CTSB: variants seen among roughly 807,000 people sequenced by gnomAD.
The protein encoded by CTSB is cathepsin B.
Under a neutral mutation model 44.3 loss-of-function variants are expected in CTSB, and 57 were observed. The observed-to-expected ratio is 1.29, with a 90% CI of 1.04 to 1.60. The LOEUF is 1.60. Among genes scored for constraint, CTSB ranks in the 40% most tolerant of loss-of-function variants. CTSB has a pLI of 0.00. For synonymous variants in CTSB, 320 were observed against 168.0 expected, an observed-to-expected ratio of 1.91 and a Z score of -7.00; for missense variants, 768 against 443.0, an observed-to-expected ratio of 1.73 and a Z score of -6.59.
At chr8:11,846,713 C>T (rs1050604587) in intron 8 of CTSB, among the ~76,000 whole-genome samples, 1 of 152,224 alleles carries the variant, frequency 6.6e-6, no homozygotes, top group Admixed American at 6.5e-5. Context: ...AATGCAAAGC[C>T]AGGAAGGCGA....
chr8:11,864,302 C>G (rs1204329382), intron 1 of CTSB: 1 of 143,010 alleles, frequency 7.0e-6, no homozygotes, highest in Non-Finnish European at 1.5e-5. Flanking sequence ...AACAGTGAGA[C>G]CCTGTCTCTA....
intron 1 of CTSB, 132 bp from the exon 2 acceptor site, chr8:11,853,611 A>C (rs1815000566): frequency 1.2e-6 from 1 of 866,756 alleles, no homozygotes; most frequent in Non-Finnish European, 1.7e-6. Flanking sequence ...ACTCTTAAGG[A>C]GCTGAGGTGT....
chr8:11,854,403 G>C (rs1347508104), intron 1 of CTSB, among the ~76,000 whole-genome samples: 4 of 151,894 alleles, frequency 2.6e-5, no homozygotes, highest in Non-Finnish European at 5.9e-5. Flanking sequence ...TCTATCTGAA[G>C]AACAATTTAA....
chr8:11,845,018 G>C lies in CTSB; in HGVS notation c.*107C>G, dbSNP rs1467680818. 9 of 757,962 alleles carry C rather than the reference G, an allele frequency of 1.2e-5. No homozygotes were observed. Among genetic ancestry groups the C allele is most frequent in the Non-Finnish European group, 2.0e-5 (9 of 445,742 alleles). 47.0% of individuals were successfully genotyped at this position (757,962 alleles called of 1,614,324 possible). ...ACAGGTCTGATGTTTGGCCAATCCA[G>C]TCCTTCAGACCCTGTCTGAAACTTG... On this transcript the variant is annotated 3_prime_UTR_variant, in exon 10 of 10. Coordinates refer to ENST00000353047, the MANE Select transcript of CTSB (RefSeq NM_001908.5).
intron 8 of CTSB, chr8:11,846,376 A>G (rs1482560567): frequency 2.0e-5 from 3 of 152,348 alleles, no homozygotes; most frequent in Non-Finnish European, 1.5e-5. Flanking sequence ...ATCTTCACAG[A>G]AACTTTTTCT....
rs1428996582 is a variant in CTSB at position 11,844,157 on chromosome 8, A to G, written c.*968T>C. The G allele has an allele frequency of 6.6e-6, 1 of 152,278 alleles. No homozygotes were observed. Among genetic ancestry groups the G allele is most frequent in the African/African-American group, 2.4e-5 (1 of 41,476 alleles). 9.4% of individuals were successfully genotyped at this position (152,278 alleles called of 1,614,324 possible). On this transcript the variant is annotated 3_prime_UTR_variant, in exon 10 of 10. Coordinates refer to ENST00000353047, the MANE Select transcript of CTSB (RefSeq NM_001908.5). ...GGGAACTAATTGGGGGAGGGATGCC[A>G]TGGTTGAAAACATGGCTGGGGCAGC...
chr8:11,846,814 G>T (rs1291576654), intron 8 of CTSB, among the ~76,000 whole-genome samples: 1 of 152,104 alleles, frequency 6.6e-6, no homozygotes, highest in African/African-American at 2.4e-5. Flanking sequence ...AACTAGCCCA[G>T]AGGCTCTGGG....
At position 11,849,093 on chromosome 8, in the gene CTSB, C is replaced by A. The variant is rs1392823641; in HGVS notation, c.399G>T (p.Val133=). 5.0e-6 allele frequency: 8 copies of A among 1,613,572 alleles called. No individual in the cohort carries two copies. The highest frequency in any genetic ancestry group is 6.8e-6 in the Non-Finnish European group (8 of 1,179,882). ...IHTNAHVSVE[V]SAEDLLTCCG... is the part of the protein sequence containing the mutation. ...AGCATGTGAGCAGGTCCTCCGCCGA[C>A]ACCTCCACGCTGACGTGCGCATTGG... The change falls in exon 5 of 10, where the codon GTG becomes GTT. Residue 133 remains valine (V), a synonymous_variant. Transcript: ENST00000353047.
rs747817678 is a variant in CTSB at position 11,845,785 on chromosome 8, C to T, written c.798G>A (p.Val266=). The change falls in exon 9 of 10, where the codon GTG becomes GTA. Residue 266 remains valine, a synonymous_variant. Coordinates refer to ENST00000353047, the MANE Select transcript of CTSB (RefSeq NM_001908.5). ...YSDFLLYKSG[V]YQHVTGEMMG... ...TCATCTCTCCGGTGACGTGTTGGTACACTCCTGAAAAGGGAAGAACTGGCT... is the reference window on the plus strand; with the variant it reads ...TCATCTCTCCGGTGACGTGTTGGTATACTCCTGAAAAGGGAAGAACTGGCT... 1.7e-5 allele frequency: 27 copies of T among 1,613,198 alleles called. No individual in the cohort carries two copies. The highest frequency in any genetic ancestry group is 1.9e-5 in the Non-Finnish European group (23 of 1,179,524).
intron 1 of CTSB, among the ~76,000 whole-genome samples, chr8:11,855,379 G>A (rs546332691): frequency 2.0e-5 from 3 of 152,350 alleles, no homozygotes; most frequent in Admixed American, 6.5e-5. Context: ...AAAACAGGCT[G>A]GGTGCGGTGG....
intron 1 of CTSB, among the ~76,000 whole-genome samples, chr8:11,860,012 C>T (rs1274170125): frequency 6.6e-6 from 1 of 151,714 alleles, no homozygotes; most frequent in African/African-American, 2.4e-5. Context: ...GCAGAGGTTG[C>T]AGTGAGCCAA....
At chr8:11,858,067 A>G (rs1318133448) in intron 1 of CTSB, 5 of 152,186 alleles carry the variant, frequency 3.3e-5, no homozygotes, top group Non-Finnish European at 5.9e-5. Context: ...TTCACCACCT[A>G]TAAAATGGAG....
At position 11,844,107 on chromosome 8, in the gene CTSB, A is replaced by C. The variant is rs1812773883; in HGVS notation, c.*1018T>G. ...GCAAGGGCAAGCTTACCAGGCACTT[A>C]CAGAGAAGGTTGACGAGGATGACAG... On this transcript the variant is annotated 3_prime_UTR_variant, in exon 10 of 10. Transcript: ENST00000353047. 2 of 152,274 alleles carry C rather than the reference A, an allele frequency of 1.3e-5. No homozygotes were observed. 9.4% of individuals were successfully genotyped at this position (152,274 alleles called of 1,614,324 possible). A position where few individuals can be genotyped will look rare whatever the true frequency, so the allele number is the denominator to read the frequency against.
intron 1 of CTSB, among the ~76,000 whole-genome samples, chr8:11,856,386 G>C (rs187238715): frequency 6.6e-6 from 1 of 152,102 alleles, no homozygotes; most frequent in Admixed American, 6.5e-5. Context: ...AGCCGAGGCG[G>C]TTGGATCACC....
rs1289139017 is a variant in CTSB at position 11,852,658 on chromosome 8, A to C, written c.164T>G (p.Leu55Trp). 6.2e-7 allele frequency: 1 copy of C among 1,614,096 alleles called. No homozygotes were observed. Among genetic ancestry groups the C allele is most frequent in the Admixed American group, 1.7e-5 (1 of 60,026 alleles). Residue 55 changes from leucine (L) to tryptophan (W), a missense_variant, in exon 3 of 10, where the codon TTG becomes TGG. Coordinates refer to ENST00000353047, the MANE Select transcript of CTSB (RefSeq NM_001908.5). ...HNFYNVDMSY[L>W]KRLCGTFLGG... ...CAGGAAGGTACCACATAGCCTCTTCAAGTAGCTCATGTCCACGTTGTAGAA... is the reference window on the plus strand; with the variant it reads ...CAGGAAGGTACCACATAGCCTCTTCCAGTAGCTCATGTCCACGTTGTAGAA...
At position 11,847,049 on chromosome 8, in the gene CTSB, C is replaced by G. The variant is rs767266630; in HGVS notation, c.793+3G>C. 1.9e-6 allele frequency: 3 copies of G among 1,550,962 alleles called. No homozygotes were observed. Among genetic ancestry groups the G allele is most frequent in the Non-Finnish European group, 2.7e-6 (3 of 1,122,568 alleles). On this transcript the variant is annotated splice_donor_region_variant and intron_variant, in intron 8 of 9. Transcript: ENST00000353047. The stretch of plus-strand genomic sequence containing the variant: ...TCTATTGCCATCAGCCATCAGCACG[C>G]ACCTGACTTGTAGAGCAGGAAGTCC...
In CTSB at chr8:11,848,119, G is replaced by T. The variant is rs1215453827; in HGVS notation, c.480C>A (p.Asn160Lys). ...CNGGYPAEAW[N>K]FWTRKGLVSG... is the part of the protein sequence containing the mutation. ...AAACCAGGCCTTTTCTTGTCCAGAA[G>T]TTCCAAGCTTCAGCAGGATAGCCAC... The change falls in exon 6 of 10, where the codon AAC becomes AAA. Residue 160 changes from asparagine (N) to lysine (K), a missense_variant. By Grantham distance (94) the Asn-to-Lys change is moderately conservative (BLOSUM62 0). Coordinates refer to ENST00000353047, the MANE Select transcript of CTSB (RefSeq NM_001908.5). 5.0e-6 allele frequency: 8 copies of T among 1,614,098 alleles called. No homozygotes were observed. Among genetic ancestry groups the T allele is most frequent in the Non-Finnish European group, 6.8e-6 (8 of 1,180,038 alleles).
intron 1 of CTSB, among the ~76,000 whole-genome samples, chr8:11,861,022 A>T (rs927055163): frequency 3.9e-5 from 6 of 152,140 alleles, no homozygotes; most frequent in African/African-American, 1.4e-4. Context: ...TTCCTTTTTG[A>T]GTATGAATCA....
At chr8:11,848,972 G>C (rs1265390410) in intron 5 of CTSB, 74 bp downstream of exon 5, 4 of 1,112,296 alleles carry the variant, frequency 3.6e-6, no homozygotes, top group Non-Finnish European at 5.4e-6. Flanking sequence ...AGTCCTCAAA[G>C]TCCCCTCCAC....
Sources: gnomAD v4.1 joint callset for allele counts (sites outside exome capture counted in the v4.1 genomes callset) on GRCh38, gnomAD v4.1.1 for gene constraint, MANE v1.5 for transcripts, NCBI Gene and HGNC (gene_info 2026-07-23, HGNC 2026-07-21) for gene names.